Variants in SH3BGRL observed in about 807,000 individuals in gnomAD.
SH3BGRL encodes the protein adapter SH3BGRL.
A neutral mutation model predicts 9.8 loss-of-function variants in SH3BGRL; 7 were observed. The observed-to-expected ratio is 0.72, with a 90% CI of 0.41 to 1.35. SH3BGRL has a LOEUF of 1.35. Among genes scored for constraint, SH3BGRL ranks in the 40% most tolerant of loss-of-function variants. The pLI is 0.01. For synonymous variants in SH3BGRL, 36 were observed against 29.1 expected (o/e 1.24, Z -0.76); for missense variants, 73 against 84.4 (o/e 0.86, Z 0.53).
At chrX:81,210,341 G>A (rs905188576) in intron 1 of SH3BGRL, among the ~76,000 whole-genome samples, 1 of 111,118 alleles carries the variant, frequency 9.0e-6, no homozygotes, top group Non-Finnish European at 1.9e-5. Context: ...TGATATTGGA[G>A]ACCGTTCTCT....
chrX:81,251,737 A>G (rs1421283662), intron 1 of SH3BGRL, among the ~76,000 whole-genome samples: 1 of 112,004 alleles, frequency 8.9e-6, no homozygotes, highest in Non-Finnish European at 1.9e-5. Flanking sequence ...CAGAAACAAT[A>G]TTTTCTACTT....
intron 1 of SH3BGRL, among the ~76,000 whole-genome samples, chrX:81,223,232 G>C (rs1048331141): frequency 9.0e-6 from 1 of 111,636 alleles, no homozygotes; most frequent in Non-Finnish European, 1.9e-5. Flanking sequence ...TGTTGTTTTA[G>C]TCATGAAGTC....
At chrX:81,287,404 C>T (rs2075838650) in intron 3 of SH3BGRL, among the ~76,000 whole-genome samples, 1 of 111,932 alleles carries the variant, frequency 8.9e-6, no homozygotes, top group South Asian at 3.7e-4. Context: ...CACGTACAAT[C>T]AACCAAGATT....
chrX:81,271,216 C>T (rs918574314), intron 1 of SH3BGRL, among the ~76,000 whole-genome samples: 1 of 112,154 alleles, frequency 8.9e-6, no homozygotes, highest in Non-Finnish European at 1.9e-5. Context: ...AGTGAGGCAA[C>T]ACCCCACTCT....
At chrX:81,283,903 C>A (rs778674394) in intron 3 of SH3BGRL, among the ~76,000 whole-genome samples, 1 of 111,058 alleles carries the variant, frequency 9.0e-6, no homozygotes, top group African/African-American at 3.3e-5. Context: ...ATGATAGGAT[C>A]ATTTATCTTG....
At position 81,202,239 on chromosome X, in the gene SH3BGRL, T is replaced by C; in HGVS notation, c.39T>C (p.Ser13=). The C allele has an allele frequency of 1.7e-6, 2 of 1,206,860 alleles. No homozygotes were observed. The highest frequency in any genetic ancestry group is 2.2e-6 in the Non-Finnish European group (2 of 892,418). Residue 13 remains serine, a synonymous_variant, in exon 1 of 4, where the codon TCT becomes TCC. Transcript: ENST00000373212. ...IRVYIASSSG[S]TAIKKKQQDV... Reference sequence around the variant, plus strand: ...TATATATTGCATCTTCCTCTGGCTCTACAGCGGTAAGGAGAGTGGGGAGTC... The same window carrying C: ...TATATATTGCATCTTCCTCTGGCTCCACAGCGGTAAGGAGAGTGGGGAGTC...
intron 1 of SH3BGRL, among the ~76,000 whole-genome samples, chrX:81,203,889 T>A (rs996566371): frequency 4.5e-5 from 5 of 110,744 alleles, no homozygotes; most frequent in Admixed American, 1.9e-4. Flanking sequence ...TTTTTTTTTT[T>A]ATTTAGATTT....
chrX:81,202,275 GT>G, intron 1 of SH3BGRL, 30 bp downstream of exon 1: 1 of 1,175,328 alleles, frequency 8.5e-7, no homozygotes. Flanking sequence ...CACCTTTGTT[GT>G]TTTCCTACAC....
chrX:81,292,498 T>A (rs1396083813), intron 3 of SH3BGRL, among the ~76,000 whole-genome samples: 1 of 112,170 alleles, frequency 8.9e-6, no homozygotes, highest in Non-Finnish European at 1.9e-5. Flanking sequence ...GGGCTTTTGA[T>A]GGCAGGGGCT....
chrX:81,281,433 C>T (rs1212895345), intron 3 of SH3BGRL, among the ~76,000 whole-genome samples: 1 of 111,796 alleles, frequency 8.9e-6, no homozygotes, highest in African/African-American at 3.2e-5. Flanking sequence ...CACTAGGTAA[C>T]CTATAAAGGA....
At chrX:81,279,374 T>C (rs1172712336) in intron 3 of SH3BGRL, among the ~76,000 whole-genome samples, 1 of 111,233 alleles carries the variant, frequency 9.0e-6, no homozygotes, top group East Asian at 2.8e-4. Flanking sequence ...CAGAGCAGCA[T>C]CTGGAGGCTT....
intron 1 of SH3BGRL, among the ~76,000 whole-genome samples, chrX:81,274,864 A>G (rs1015149421): frequency 2.7e-5 from 3 of 111,827 alleles, no homozygotes; most frequent in African/African-American, 9.8e-5. Context: ...TTCATATTTG[A>G]CATGGCAGAA....
At chrX:81,210,808 A>G (rs1198438469) in intron 1 of SH3BGRL, among the ~76,000 whole-genome samples, 4 of 112,028 alleles carry the variant, frequency 3.6e-5, no homozygotes, top group African/African-American at 1.3e-4. Flanking sequence ...ATACTTCTTA[A>G]TTAACTGGTC....
intron 1 of SH3BGRL, among the ~76,000 whole-genome samples, chrX:81,222,341 G>T (rs2075602513): frequency 1.5e-5 from 1 of 67,038 alleles, no homozygotes; most frequent in Admixed American, 2.4e-4. Flanking sequence ...CCCCACAACA[G>T]GCCCCGGTGT....
At chrX:81,250,131 T>C (rs920969131) in intron 1 of SH3BGRL, among the ~76,000 whole-genome samples, 12 of 109,994 alleles carry the variant, frequency 1.1e-4, no homozygotes, top group South Asian at 7.8e-4. Context: ...CCAGGTTCAG[T>C]GGCTCACACC....
intron 1 of SH3BGRL, among the ~76,000 whole-genome samples, chrX:81,264,801 A>T (rs779612880): frequency 9.1e-6 from 1 of 110,482 alleles, no homozygotes; most frequent in African/African-American, 3.3e-5. Context: ...TTAGGGTAGG[A>T]TGTTACTCTC....
In SH3BGRL at chrX:81,206,747, G is replaced by A. The variant is rs776449217; in HGVS notation, c.45+4502G>A. The stretch of plus-strand genomic sequence containing the variant: ...CTAAAAGGGAATGTCTGTAAGTAGG[G>A]TAAGTGACTGTTCACCCAAGGCCAA... On this transcript the variant is annotated intron_variant, in intron 1 of 3. Transcript: ENST00000373212. Among the ~76,000 whole-genome samples, 17 of 111,920 alleles carry A rather than the reference G, an allele frequency of 1.5e-4. No individual in the cohort carries two copies. The South Asian group carries it at 6.3e-3, about 42-fold the overall frequency.
intron 1 of SH3BGRL, among the ~76,000 whole-genome samples, chrX:81,274,786 T>C (rs1291359451): frequency 9.0e-6 from 1 of 110,972 alleles, no homozygotes; most frequent in Non-Finnish European, 1.9e-5. Context: ...ATTTTGGACT[T>C]GAAAATTTGA....
At chrX:81,249,752 T>C (rs1020311165) in intron 1 of SH3BGRL, among the ~76,000 whole-genome samples, 1 of 112,041 alleles carries the variant, frequency 8.9e-6, no homozygotes, top group Non-Finnish European at 1.9e-5. Context: ...GCTAAACTCT[T>C]ATTCAACAAA....
Sources: gnomAD v4.1 joint callset for allele counts (sites outside exome capture counted in the v4.1 genomes callset) on GRCh38, gnomAD v4.1.1 for gene constraint, MANE v1.5 for transcripts, NCBI Gene and HGNC (gene_info 2026-07-23, HGNC 2026-07-21) for gene names.